The following LRMDA variants were observed in gnomAD, a reference collection of about 807,000 sequenced individuals.
LRMDA encodes leucine-rich melanocyte differentiation-associated protein.
LRMDA carries 18 observed loss-of-function variants against 29.8 expected under a neutral mutation model. The observed-to-expected ratio is 0.60, with a 90% CI of 0.42 to 0.90. The LOEUF is 0.90. Among genes scored for constraint, LRMDA ranks in the 40% least tolerant of loss-of-function variants. The pLI, the probability that LRMDA is intolerant of heterozygous loss-of-function variation, is 0.00. For synonymous variants in LRMDA, 125 were observed against 109.4 expected (o/e 1.14, Z -0.89); for missense variants, 273 against 273.9 (o/e 1.00, Z 0.02).
At chr10:75,924,967 A>ATGGG (rs1037470506) in intron 2 of LRMDA, among the ~76,000 whole-genome samples, 5 of 152,152 alleles carry the variant, frequency 3.3e-5, no homozygotes, top group Non-Finnish European at 5.9e-5. Flanking sequence ...CTCTAGTTGA[A>ATGGG]TGGGTGGCTT....
At position 75,797,452 on chromosome 10, in the gene LRMDA, T is replaced by A. The variant is rs189745946; in HGVS notation, c.132-238556T>A. 5.9e-3 allele frequency among the ~76,000 whole-genome samples: 893 copies of A among 152,308 alleles called. 12 individuals are homozygous for A. The highest frequency in any genetic ancestry group is 0.02 in the African/African-American group (827 of 41,564). On this transcript the variant is annotated intron_variant, in intron 2 of 6. Coordinates refer to ENST00000611255, the MANE Select transcript of LRMDA (RefSeq NM_001305581.2). ...TAAGCATGTTCTTCAGTGATTTTTT[T>A]AAAATAAAATCATATAGTTATATAA... is the stretch of plus-strand genomic sequence containing the variant.
chr10:75,446,967 T>C (rs982321896), intron 2 of LRMDA, among the ~76,000 whole-genome samples: 1 of 152,168 alleles, frequency 6.6e-6, no homozygotes, highest in African/African-American at 2.4e-5. Context: ...CAACCTCAAA[T>C]GTAGTGGTCT....
rs565769702 is a variant in LRMDA at position 75,735,095 on chromosome 10, A to G, written c.131+296601A>G. ...GCAGTAATCTTTGTCCTCCGTGTTC[A>G]CTAGTGTATCCCAAGTACCTGCAAC... On this transcript the variant is annotated intron_variant, in intron 2 of 6. Coordinates refer to ENST00000611255, the MANE Select transcript of LRMDA (RefSeq NM_001305581.2). Among the ~76,000 whole-genome samples the G allele has an allele frequency of 1.1e-3, 173 of 152,340 alleles. 1 individual carries two copies. Among genetic ancestry groups the G allele is most frequent in the African/African-American group, 3.8e-3 (160 of 41,576 alleles).
At chr10:76,223,011 C>T (rs1384945015) in intron 5 of LRMDA, among the ~76,000 whole-genome samples, 1 of 150,622 alleles carries the variant, frequency 6.6e-6, no homozygotes, top group Non-Finnish European at 1.5e-5. Context: ...TAAACTATTG[C>T]AAGAACAAAA....
At chr10:75,701,312 CACTA>C (rs1289321740) in intron 2 of LRMDA, among the ~76,000 whole-genome samples, 3 of 152,222 alleles carry the variant, frequency 2.0e-5, no homozygotes, top group African/African-American at 7.2e-5. Flanking sequence ...AAAATTCATA[CACTA>C]ACTGGTTTTG....
intron 5 of LRMDA, among the ~76,000 whole-genome samples, chr10:76,182,076 G>A (rs543872919): frequency 7.9e-5 from 12 of 152,276 alleles, no homozygotes; most frequent in African/African-American, 2.9e-4. Context: ...AGTATATTAA[G>A]TTCGTTTTCA....
intron 5 of LRMDA, among the ~76,000 whole-genome samples, chr10:76,178,635 GC>G (rs558347025): frequency 6.6e-6 from 1 of 152,172 alleles, no homozygotes; most frequent in South Asian, 2.1e-4. Flanking sequence ...TGACAATTTT[GC>G]CTAAGGCCAG....
chr10:75,754,836 T>A (rs1451454547), intron 2 of LRMDA, among the ~76,000 whole-genome samples: 1 of 152,156 alleles, frequency 6.6e-6, no homozygotes, highest in Non-Finnish European at 1.5e-5. Flanking sequence ...TTCTGAATGT[T>A]CTTACTGCAG....
chr10:75,620,337 G>C (rs1841165750), intron 2 of LRMDA, among the ~76,000 whole-genome samples: 1 of 152,196 alleles, frequency 6.6e-6, no homozygotes, highest in Non-Finnish European at 1.5e-5. Flanking sequence ...TTGTGATGTA[G>C]ACAGAACATT....
intron 2 of LRMDA, among the ~76,000 whole-genome samples, chr10:75,888,347 C>T (rs892106688): frequency 9.9e-5 from 15 of 152,216 alleles, no homozygotes; most frequent in African/African-American, 3.4e-4. Context: ...GGCATTTACA[C>T]GTTCAGGTAC....
chr10:75,729,968 A>C (rs146409887), intron 2 of LRMDA, among the ~76,000 whole-genome samples: 3 of 151,926 alleles, frequency 2.0e-5, no homozygotes, highest in African/African-American at 7.3e-5. Context: ...TATTTTTTTT[A>C]AATTTTTATT....
At chr10:76,242,699 T>A (rs1247493) in intron 5 of LRMDA, among the ~76,000 whole-genome samples, 94,168 of 152,038 alleles carry the variant, frequency 0.62, 29,217 homozygotes, top group Middle Eastern at 0.68. Flanking sequence ...ATCTGCAATG[T>A]CTTTATTTCC....
chr10:76,536,481 T>A (rs1018030980), intron 6 of LRMDA, among the ~76,000 whole-genome samples: 1 of 152,140 alleles, frequency 6.6e-6, no homozygotes, highest in Non-Finnish European at 1.5e-5. Context: ...GCTCTCCAGG[T>A]GATTCTGATG....
intron 6 of LRMDA, among the ~76,000 whole-genome samples, chr10:76,505,677 C>T (rs867792368): frequency 4.6e-5 from 7 of 151,918 alleles, no homozygotes; most frequent in East Asian, 1.9e-4. Context: ...TACTGGATTC[C>T]GTGAATTTCT....
chr10:76,155,898 A>G (rs1370448275), intron 5 of LRMDA, among the ~76,000 whole-genome samples: 1 of 152,186 alleles, frequency 6.6e-6, no homozygotes, highest in Non-Finnish European at 1.5e-5. Flanking sequence ...TTACTCTCAA[A>G]TATCTTAAAA....
In LRMDA at chr10:76,188,376, C is replaced by G. The variant is rs1369098573; in HGVS notation, c.516+129593C>G. On this transcript the variant is annotated intron_variant, in intron 5 of 6. Coordinates refer to ENST00000611255, the MANE Select transcript of LRMDA (RefSeq NM_001305581.2). ...AAACTCAGTGAGGACTGGCCAGACTCCAGGAGTAATGAGGTGATGGTGAGA... is the reference window on the plus strand; with the variant it reads ...AAACTCAGTGAGGACTGGCCAGACTGCAGGAGTAATGAGGTGATGGTGAGA... Among the ~76,000 whole-genome samples the G allele has an allele frequency of 2.0e-5, 3 of 152,184 alleles. No individual in the cohort carries two copies. In the East Asian group the frequency reaches 5.8e-4, roughly 29 times the overall value.
At chr10:75,788,950 C>T (rs1425850949) in intron 2 of LRMDA, among the ~76,000 whole-genome samples, 1 of 152,230 alleles carries the variant, frequency 6.6e-6, no homozygotes. Context: ...GCACATGAAC[C>T]AGCATTTGTG....
chr10:75,615,675 A>C (rs1841089648), intron 2 of LRMDA, among the ~76,000 whole-genome samples: 1 of 152,206 alleles, frequency 6.6e-6, no homozygotes, highest in African/African-American at 2.4e-5. Context: ...TAATACATCC[A>C]TTGAATAGTC....
At chr10:76,360,699 G>T (rs1302845951) in intron 6 of LRMDA, among the ~76,000 whole-genome samples, 1 of 152,120 alleles carries the variant, frequency 6.6e-6, no homozygotes, top group Admixed American at 6.6e-5. Context: ...TATTTGTGGG[G>T]TTGGAAATTT....
Sources: gnomAD v4.1 joint callset for allele counts (sites outside exome capture counted in the v4.1 genomes callset) on GRCh38, gnomAD v4.1.1 for gene constraint, MANE v1.5 for transcripts, NCBI Gene and HGNC (gene_info 2026-07-23, HGNC 2026-07-21) for gene names.